The following PRKAR1B variants were observed in gnomAD, a reference collection of about 807,000 sequenced individuals.
PRKAR1B encodes cAMP-dependent protein kinase type I-beta regulatory subunit.
In PRKAR1B, 22 loss-of-function variants were observed where a neutral mutation model predicts 46.5. That is an observed-to-expected ratio of 0.47 (90% CI 0.34 to 0.68). The LOEUF (loss-of-function observed/expected upper bound fraction) is 0.68, where lower values mean the gene tolerates loss of function less well. Ranked by LOEUF, PRKAR1B falls within the 30% of genes least tolerant of loss-of-function variation. The pLI is 0.01. For synonymous variants in PRKAR1B, 259 were observed against 217.7 expected, an observed-to-expected ratio of 1.19 and a Z score of -1.67; for missense variants, 445 against 535.6, an observed-to-expected ratio of 0.83 and a Z score of 1.67.
At chr7:721,103 T>C (rs1781056883) in intron 1 of PRKAR1B, among the ~76,000 whole-genome samples, 1 of 152,204 alleles carries the variant, frequency 6.6e-6, no homozygotes, top group Non-Finnish European at 1.5e-5. Context: ...GCATCTATGA[T>C]TTTCCACCTT....
In PRKAR1B at chr7:726,873, G is replaced by A. The variant is rs1433798663; in HGVS notation, c.-23+337C>T. ...AGCCGGGCCGGCGGCGCGCCTTGGA[G>A]GCCCTGCGGCGCGCGCTGGAGGAGC... On this transcript the variant is annotated intron_variant, in intron 1 of 10. Coordinates refer to ENST00000537384, the MANE Select transcript of PRKAR1B (RefSeq NM_001164760.2). The A allele has an allele frequency of 1.5e-6, 2 of 1,317,288 alleles. No homozygotes were observed. The highest frequency in any genetic ancestry group is 1.5e-5 in the African/African-American group (1 of 64,582). The allele number at this position is 1,317,288 out of a possible 1,614,324, so 81.6% of individuals were successfully genotyped here.
At chr7:648,090 G>C (rs547479401) in intron 4 of PRKAR1B, among the ~76,000 whole-genome samples, 1 of 151,440 alleles carries the variant, frequency 6.6e-6, no homozygotes, top group African/African-American at 2.4e-5. Context: ...AGGCTGCAGT[G>C]AGCTATGATC....
chr7:605,740 C>T (rs562931162), intron 6 of PRKAR1B, among the ~76,000 whole-genome samples: 17 of 152,230 alleles, frequency 1.1e-4, no homozygotes, highest in African/African-American at 2.9e-4. Flanking sequence ...CAAACGCAGG[C>T]GCAAAAGGCA....
At chr7:559,347 G>A (rs1211407322) in intron 9 of PRKAR1B, among the ~76,000 whole-genome samples, 1 of 152,226 alleles carries the variant, frequency 6.6e-6, no homozygotes, top group Non-Finnish European at 1.5e-5. Flanking sequence ...CAGGCCGAGA[G>A]AGGGGCTGGT....
intron 9 of PRKAR1B, among the ~76,000 whole-genome samples, chr7:561,022 G>A (rs979227119): frequency 4.6e-5 from 7 of 151,904 alleles, no homozygotes; most frequent in African/African-American, 1.5e-4. Flanking sequence ...ACACACACAC[G>A]TGTGAACACA....
chr7:715,940 C>T (rs1036326084), intron 1 of PRKAR1B, among the ~76,000 whole-genome samples: 4 of 152,160 alleles, frequency 2.6e-5, no homozygotes, highest in Non-Finnish European at 5.9e-5. Context: ...TGGTCTCGGT[C>T]TCCTGACCTC....
chr7:591,545 A>G (rs1050681242), intron 7 of PRKAR1B, among the ~76,000 whole-genome samples: 8 of 152,196 alleles, frequency 5.3e-5, no homozygotes, highest in Non-Finnish European at 1.2e-4. Context: ...GAAAGCCTGG[A>G]AAACTGGAGC....
At chr7:584,442 G>T (rs1780482963) in intron 8 of PRKAR1B, 66 bp downstream of exon 8, 2 of 1,419,966 alleles carry the variant, frequency 1.4e-6, no homozygotes, top group Admixed American at 3.4e-5. Context: ...ATGGGGAAGA[G>T]GCCGGGGTGG....
chr7:698,042 GGGAA>G (rs1297899282), intron 2 of PRKAR1B, among the ~76,000 whole-genome samples: 6 of 61,542 alleles, frequency 9.7e-5, no homozygotes, highest in African/African-American at 4.6e-4. Flanking sequence ...GGGGAGGGGA[GGGAA>G]GGGAAGGGAA....
At chr7:570,697 T>C (rs1248019649) in intron 9 of PRKAR1B, among the ~76,000 whole-genome samples, 2 of 152,132 alleles carry the variant, frequency 1.3e-5, no homozygotes, top group African/African-American at 2.4e-5. Context: ...ACTCCGGCCA[T>C]TGCGGCCGTC....
At position 583,754 on chromosome 7, in the gene PRKAR1B, G is replaced by A. The variant is rs1780430379; in HGVS notation, c.769+754C>T. On this transcript the variant is annotated intron_variant, in intron 8 of 10. Transcript: ENST00000537384. Reference sequence around the variant, plus strand: ...CACACATGCACACACCCATGCATGTGCACTCGCACCCATGCACACTCACGT... The same window carrying A: ...CACACATGCACACACCCATGCATGTACACTCGCACCCATGCACACTCACGT... Among the ~76,000 whole-genome samples the A allele has an allele frequency of 2.0e-5, 3 of 149,758 alleles. No homozygotes were observed. In the South Asian group the frequency reaches 6.3e-4, roughly 32 times the overall value.
chr7:706,643 TCTCGA>T (rs1780345339), intron 2 of PRKAR1B, among the ~76,000 whole-genome samples: 1 of 147,704 alleles, frequency 6.8e-6, no homozygotes, highest in African/African-American at 2.5e-5. Flanking sequence ...GCCAGAATGG[TCTCGA>T]TCTCCTGACC....
intron 2 of PRKAR1B, among the ~76,000 whole-genome samples, chr7:689,268 C>T (rs560781262): frequency 1.3e-5 from 2 of 151,882 alleles, no homozygotes; most frequent in South Asian, 4.2e-4. Flanking sequence ...ACTACAGGCG[C>T]CCACCACCAC....
intron 4 of PRKAR1B, among the ~76,000 whole-genome samples, chr7:611,301 C>G (rs1029924059): frequency 6.6e-6 from 1 of 152,244 alleles, no homozygotes; most frequent in Non-Finnish European, 1.5e-5. Context: ...GTGCCCTGGA[C>G]TGGTCTCTAA....
At chr7:708,356 A>G (rs1780440664) in intron 2 of PRKAR1B, among the ~76,000 whole-genome samples, 1 of 152,246 alleles carries the variant, frequency 6.6e-6, no homozygotes, top group Non-Finnish European at 1.5e-5. Context: ...TGGTACAGTC[A>G]TCCCCTGGTA....
chr7:680,438 A>T, intron 3 of PRKAR1B, 118 bp downstream of exon 3: 2 of 1,055,130 alleles, frequency 1.9e-6, no homozygotes, highest in South Asian at 1.7e-5. Context: ...CCCTCCAACC[A>T]GGATGACACT....
intron 4 of PRKAR1B, among the ~76,000 whole-genome samples, chr7:635,359 C>T (rs1388088331): frequency 2.0e-5 from 3 of 152,224 alleles, no homozygotes; most frequent in Admixed American, 2.0e-4. Flanking sequence ...CGCGCCCAGG[C>T]AGACTGTGGC....
chr7:603,626 G>A (rs1354330718), intron 6 of PRKAR1B, among the ~76,000 whole-genome samples: 9 of 124,278 alleles, frequency 7.2e-5, no homozygotes, highest in Non-Finnish European at 1.0e-4. Context: ...GGTGATGGGG[G>A]AGGAGGTGAC....
chr7:705,150 G>A (rs1289806465), intron 2 of PRKAR1B, among the ~76,000 whole-genome samples: 1 of 151,700 alleles, frequency 6.6e-6, no homozygotes, highest in South Asian at 2.1e-4. Context: ...AAACTAGCTA[G>A]GCATGGTGGC....
Sources: allele counts gnomAD v4.1 joint callset (sites outside exome capture counted in the v4.1 genomes callset), GRCh38; gene constraint gnomAD v4.1.1; transcripts MANE v1.5; gene names NCBI Gene and HGNC (gene_info 2026-07-23, HGNC 2026-07-21).